The following PNLIPRP1 variants were observed in gnomAD, a reference collection of about 807,000 sequenced individuals.
PNLIPRP1 encodes the protein pancreatic lipase related protein 1.
Under a neutral mutation model 54.6 loss-of-function variants are expected in PNLIPRP1, and 57 were observed. The observed-to-expected ratio is 1.04, with a 90% confidence interval of 0.84 to 1.30. PNLIPRP1 has a LOEUF of 1.30. Among genes scored for constraint, PNLIPRP1 ranks in the 50% most tolerant of loss-of-function variants. PNLIPRP1 has a pLI of 0.00. For missense variants in PNLIPRP1, 567 were observed against 568.5 expected, an observed-to-expected ratio of 1.00 and a Z score of 0.03; for synonymous variants, 232 against 208.8, an observed-to-expected ratio of 1.11 and a Z score of -0.96.
chr10:116,596,309 G>A lies in PNLIPRP1; in HGVS notation c.561G>A (p.Leu187=), dbSNP rs1554863960. 2 of 1,609,322 alleles carry A rather than the reference G, an allele frequency of 1.2e-6. No homozygotes were observed. Among genetic ancestry groups the A allele is most frequent in the Admixed American group, 1.7e-5 (1 of 59,910 alleles). ...AGGCAGGAAGCAAGACTCCAGGCCT[G>A]AGCAGGATTACAGGTAAGGCCCCAG... ...AGEAGSKTPG[L]SRITGLDPVE... The change falls in exon 6 of 13, where the codon CTG becomes CTA. Residue 187 remains leucine, a synonymous_variant. Coordinates refer to ENST00000358834, the MANE Select transcript of PNLIPRP1 (RefSeq NM_006229.4).
chr10:116,603,687 G>T (rs1847887488), intron 10 of PNLIPRP1, among the ~76,000 whole-genome samples: 1 of 152,190 alleles, frequency 6.6e-6, no homozygotes, highest in Admixed American at 6.5e-5. Context: ...GAGGTCAGGA[G>T]TTGGAGACCA....
In PNLIPRP1 at chr10:116,609,119, T is replaced by TC; in HGVS notation, c.*6dup. On this transcript the variant is annotated 3_prime_UTR_variant, in exon 13 of 13. Coordinates refer to ENST00000358834, the MANE Select transcript of PNLIPRP1 (RefSeq NM_006229.4). The stretch of plus-strand genomic sequence containing the variant: ...TGCTCACCCTCACGCCCTGCTAAGC[T>TC]CCCGGGGCGACGAGGCTGCTGCGTT... The TC allele has an allele frequency of 6.2e-7, 1 of 1,606,182 alleles. No individual in the cohort carries two copies. The highest frequency in any genetic ancestry group is 8.5e-7 in the Non-Finnish European group (1 of 1,175,782).
intron 9 of PNLIPRP1, 32 bp downstream of exon 9, chr10:116,600,197 A>T (rs1554864591): frequency 7.2e-7 from 1 of 1,392,198 alleles, no homozygotes; most frequent in Non-Finnish European, 1.0e-6. Flanking sequence ...AGCAACAAGC[A>T]TCACCCCTCT....
chr10:116,608,582 A>T (rs1445308703), intron 12 of PNLIPRP1, among the ~76,000 whole-genome samples: 1 of 152,246 alleles, frequency 6.6e-6, no homozygotes, highest in Non-Finnish European at 1.5e-5. Flanking sequence ...AGAACTAATC[A>T]TCAGACCCCC....
chr10:116,596,326 A>G lies in PNLIPRP1; in HGVS notation c.574+4A>G, dbSNP rs1554863963. ...CCAGGCCTGAGCAGGATTACAGGTA[A>G]GGCCCCAGAGGCAGGGCCCCAGTTT... On this transcript the variant is annotated splice_donor_region_variant and intron_variant, in intron 6 of 12. Transcript: ENST00000358834. 3 of 1,570,820 alleles carry G rather than the reference A, an allele frequency of 1.9e-6. No individual in the cohort carries two copies. The highest frequency in any genetic ancestry group is 2.6e-6 in the Non-Finnish European group (3 of 1,143,326).
rs781960440 is a variant in PNLIPRP1, at chr10:116,594,800, C to T, written c.401C>T (p.Thr134Ile). The T allele has an allele frequency of 6.2e-7, 1 of 1,614,170 alleles. No homozygotes were observed. Among genetic ancestry groups the T allele is most frequent in the South Asian group, 1.1e-5 (1 of 91,084 alleles). ...DWKKGSQATY[T>I]QAANNVRVVG... ...AAGAAGGGCTCCCAAGCCACCTACA[C>T]ACAGGCTGCCAACAACGTGCGAGTG... Residue 134 changes from threonine (T) to isoleucine (I), a missense_variant, in exon 5 of 13, where the codon ACA (threonine) becomes ATA (isoleucine). By Grantham distance (89) the Thr-to-Ile change is moderately conservative (BLOSUM62 -1). Transcript: ENST00000358834.
chr10:116,595,179 C>G, intron 5 of PNLIPRP1: 1 of 310,320 alleles, frequency 3.2e-6, no homozygotes, highest in African/African-American at 2.1e-5. Context: ...TTGATCCAGA[C>G]CATCTAGCTT....
chr10:116,597,982 C>T, intron 7 of PNLIPRP1, 35 bp downstream of exon 7: 2 of 1,614,114 alleles, frequency 1.2e-6, no homozygotes, highest in Non-Finnish European at 1.7e-6. Context: ...TGAGCACGCA[C>T]AACTGTGTTT....
At chr10:116,604,384 G>A (rs951575841) in intron 11 of PNLIPRP1, among the ~76,000 whole-genome samples, 1 of 152,120 alleles carries the variant, frequency 6.6e-6, no homozygotes, top group African/African-American at 2.4e-5. Context: ...TTACCATTGT[G>A]TTCCAGTTGT....
chr10:116,605,429 G>A lies in PNLIPRP1; in HGVS notation c.1216G>A (p.Ala406Thr), dbSNP rs1847920196. ...CTCAACCCATTCCTATGAGTTTGATGCAAAGCTGGATGTTGGAACAATTGA... is the reference window on the plus strand; with the variant it reads ...CTCAACCCATTCCTATGAGTTTGATACAAAGCTGGATGTTGGAACAATTGA... ...PGSTHSYEFD[A>T]KLDVGTIEKV... Residue 406 changes from alanine to threonine, a missense_variant, in exon 12 of 13, where the codon GCA (alanine) becomes ACA (threonine). Transcript: ENST00000358834. 6.2e-7 allele frequency: 1 copy of A among 1,611,186 alleles called. No individual in the cohort carries two copies. The highest frequency in any genetic ancestry group is 8.5e-7 in the Non-Finnish European group (1 of 1,177,720).
chr10:116,608,232 A>G (rs7909787), intron 12 of PNLIPRP1, among the ~76,000 whole-genome samples: 17,509 of 152,168 alleles, frequency 0.12, 1,313 homozygotes, highest in African/African-American at 0.22. Flanking sequence ...TTAATACCCC[A>G]ATAAGGTTAT....
At chr10:116,602,970 ATATG>A (rs1271492036) in intron 10 of PNLIPRP1, among the ~76,000 whole-genome samples, 2 of 151,242 alleles carry the variant, frequency 1.3e-5, no homozygotes, top group African/African-American at 2.4e-5. Flanking sequence ...CATGTTGTGT[ATATG>A]TATTTGTGTA....
intron 10 of PNLIPRP1, 128 bp from the exon 11 acceptor site, chr10:116,603,896 AAATAAT>A (rs1188115245): frequency 7.8e-5 from 40 of 509,554 alleles, no homozygotes; most frequent in African/African-American, 3.3e-4. Flanking sequence ...CCATCTCAAA[AAATAAT>A]AATAATAATT....
At chr10:116,592,269 A>C (rs1483021620) in intron 3 of PNLIPRP1, 147 bp from the exon 4 acceptor site, 1 of 857,328 alleles carries the variant, frequency 1.2e-6, no homozygotes, top group Non-Finnish European at 1.8e-6. Flanking sequence ...GGGGCAAGAA[A>C]AGGGAGATCA....
intron 4 of PNLIPRP1, chr10:116,593,954 C>CAAA (rs57786929): frequency 1.3e-4 from 12 of 94,480 alleles, no homozygotes; most frequent in Middle Eastern, 4.9e-3. Context: ...GAGGCTGTCT[C>CAAA]AAAAAAAAAA....
At chr10:116,604,498 G>C (rs920997546) in intron 11 of PNLIPRP1, among the ~76,000 whole-genome samples, 1 of 152,124 alleles carries the variant, frequency 6.6e-6, no homozygotes, top group Admixed American at 6.5e-5. Context: ...ATCTACGTTT[G>C]TGTGAGTACA....
chr10:116,596,840 A>G (rs1847746190), intron 6 of PNLIPRP1, among the ~76,000 whole-genome samples: 2 of 152,204 alleles, frequency 1.3e-5, no homozygotes, highest in Non-Finnish European at 1.5e-5. Flanking sequence ...ACAGCAAGAT[A>G]TATCTACATA....
In PNLIPRP1 at chr10:116,601,128, T is replaced by A. The variant is rs145059825; in HGVS notation, c.990T>A (p.Asp330Glu). Residue 330 changes from aspartate (D) to glutamate (E), a missense_variant, in exon 10 of 13, where the codon GAT becomes GAA. By Grantham distance (45) the Asp-to-Glu change is conservative (BLOSUM62 2). Transcript: ENST00000358834. ...GCCCACAGATGGGTCACTATGCTGA[T>A]AAATTTGCTGGCAGGACAAGTGAAG... ...QGCPQMGHYA[D>E]KFAGRTSEEQ... is the part of the protein sequence containing the mutation. 1 of 1,614,106 alleles carries A rather than the reference T, an allele frequency of 6.2e-7. No individual in the cohort carries two copies. Among genetic ancestry groups the A allele is most frequent in the South Asian group, 1.1e-5 (1 of 91,072 alleles).
At chr10:116,594,978 A>T in intron 5 of PNLIPRP1, 114 bp downstream of exon 5, 1 of 1,289,594 alleles carries the variant, frequency 7.8e-7, no homozygotes. Context: ...TGATATCCAG[A>T]CCTTACTTCT....
Sources: gnomAD v4.1 joint callset for allele counts (sites outside exome capture counted in the v4.1 genomes callset) on GRCh38, gnomAD v4.1.1 for gene constraint, MANE v1.5 for transcripts, NCBI Gene and HGNC (gene_info 2026-07-23, HGNC 2026-07-21) for gene names.